Variants in NEK6 observed in about 807,000 individuals in gnomAD.
The protein encoded by NEK6 is NIMA related kinase 6.
NEK6 carries 27 observed loss-of-function variants against 43.5 expected under a neutral mutation model. The ratio of observed to expected loss-of-function variants is 0.62; its 90% CI spans 0.46 to 0.86. NEK6 has a LOEUF of 0.86. Among genes scored for constraint, NEK6 ranks in the 40% least tolerant of loss-of-function variants. NEK6 has a pLI of 0.00. For missense variants in NEK6, 318 were observed against 414.4 expected (o/e 0.77, Z 2.02); for synonymous variants, 167 against 164.1 (o/e 1.02, Z -0.14).
At chr9:124,285,819 G>A (rs539072018) in intron 1 of NEK6, among the ~76,000 whole-genome samples, 15 of 152,268 alleles carry the variant, frequency 9.9e-5, no homozygotes, top group African/African-American at 3.6e-4. Flanking sequence ...CCTCTATTGG[G>A]CAGCATACTG....
At chr9:124,280,016 C>T (rs1040120675) in intron 1 of NEK6, among the ~76,000 whole-genome samples, 15 of 152,338 alleles carry the variant, frequency 9.8e-5, no homozygotes, top group African/African-American at 3.1e-4. Flanking sequence ...GAATGGAGGC[C>T]CACAGAGGGC....
At chr9:124,288,036 T>C (rs1049129894) in intron 1 of NEK6, among the ~76,000 whole-genome samples, 1 of 152,172 alleles carries the variant, frequency 6.6e-6, no homozygotes, top group Non-Finnish European at 1.5e-5. Flanking sequence ...ACTTCCCAGC[T>C]CCTGGGAGGA....
At chr9:124,284,956 A>G (rs1429001345) in intron 1 of NEK6, among the ~76,000 whole-genome samples, 1 of 152,216 alleles carries the variant, frequency 6.6e-6, no homozygotes, top group East Asian at 1.9e-4. Flanking sequence ...GAGCCAGTGG[A>G]CCCAAATACG....
In NEK6 at chr9:124,343,404, G is replaced by A. The variant is rs115914673; in HGVS notation, c.717+3739G>A. On this transcript the variant is annotated intron_variant, in intron 8 of 9. Transcript: ENST00000320246. This position sits in a 1 kb window ranked among gnomAD's most constrained non-coding sequence, Gnocchi z 5.1. ...GCAGTCAAGCCCTGAGGGGATTAGC[G>A]TCCTCAGGGACATCAGGCGCTGACC... 9.2e-5 allele frequency among the ~76,000 whole-genome samples: 14 copies of A among 152,212 alleles called. No homozygotes were observed. Among genetic ancestry groups the A allele is most frequent in the Admixed American group, 5.9e-4 (9 of 15,296 alleles).
intron 1 of NEK6, among the ~76,000 whole-genome samples, chr9:124,272,398 G>A (rs577678917): frequency 6.6e-6 from 1 of 152,368 alleles, no homozygotes; most frequent in South Asian, 2.1e-4. Flanking sequence ...CAAGAAACCG[G>A]TGCAGGGTTC....
At chr9:124,346,521 C>T (rs766646417) in intron 8 of NEK6, among the ~76,000 whole-genome samples, 22 of 152,286 alleles carry the variant, frequency 1.4e-4, no homozygotes, top group South Asian at 4.1e-4. Flanking sequence ...GGGGGGGAAC[C>T]GGGGCCAGAC....
chr9:124,331,215 G>T (rs1828970026), intron 7 of NEK6, among the ~76,000 whole-genome samples: 1 of 141,562 alleles, frequency 7.1e-6, no homozygotes, highest in Admixed American at 7.4e-5. Context: ...GCAGTCAGCT[G>T]AGATGGCGCC....
At chr9:124,291,638 TAAATAAAC>T (rs1243141044) in intron 1 of NEK6, among the ~76,000 whole-genome samples, 4 of 148,574 alleles carry the variant, frequency 2.7e-5, no homozygotes, top group Non-Finnish European at 6.0e-5. Context: ...AATAAATAAA[TAAATAAAC>T]AAACAGCAAG....
intron 7 of NEK6, among the ~76,000 whole-genome samples, chr9:124,338,602 C>T (rs1161285316): frequency 1.3e-5 from 2 of 152,156 alleles, no homozygotes; most frequent in African/African-American, 2.4e-5. Flanking sequence ...GTGCCTTTTC[C>T]ATCCTGTTTA....
intron 1 of NEK6, among the ~76,000 whole-genome samples, chr9:124,282,062 G>A (rs991397409): frequency 2.0e-5 from 3 of 152,140 alleles, no homozygotes; most frequent in Admixed American, 2.0e-4. Flanking sequence ...GGGGCGTATT[G>A]GTTTCCTAGG....
At chr9:124,306,951 G>A (rs990334005) in intron 2 of NEK6, among the ~76,000 whole-genome samples, 2 of 152,158 alleles carry the variant, frequency 1.3e-5, no homozygotes, top group Non-Finnish European at 2.9e-5. Context: ...AGAAACGGTT[G>A]CCTTAAAATT....
chr9:124,325,446 C>CCAG (rs1174360230), intron 5 of NEK6, among the ~76,000 whole-genome samples: 1 of 152,246 alleles, frequency 6.6e-6, no homozygotes, highest in African/African-American at 2.4e-5. Flanking sequence ...GCTGCCCTGA[C>CCAG]CAGCAGGCCC....
rs752994242 is a variant in NEK6 at position 124,326,481 on chromosome 9, C to T, written c.514+43C>T. 2 of 1,448,994 alleles carry T rather than the reference C, an allele frequency of 1.4e-6. No homozygotes were observed. Among genetic ancestry groups the T allele is most frequent in the Non-Finnish European group, 1.9e-6 (2 of 1,041,510 alleles). 89.8% of individuals were successfully genotyped at this position (1,448,994 alleles called of 1,614,324 possible). A position where few individuals can be genotyped will look rare whatever the true frequency, so the allele number is the denominator to read the frequency against. On this transcript the variant is annotated intron_variant, in intron 6 of 9. Coordinates refer to ENST00000320246, the MANE Select transcript of NEK6 (RefSeq NM_014397.6). This position sits in a 1 kb window ranked among gnomAD's most constrained non-coding sequence, Gnocchi z 4.5. Reference sequence around the variant, plus strand: ...GGAGCCGCCCGGAGCCACCTGGAGCCCAGGAAGACACTTCCTCATGGCTCC... The same window carrying T: ...GGAGCCGCCCGGAGCCACCTGGAGCTCAGGAAGACACTTCCTCATGGCTCC...
intron 8 of NEK6, 134 bp downstream of exon 8, chr9:124,339,799 C>T (rs1829500275): frequency 5.8e-6 from 4 of 689,454 alleles, no homozygotes; most frequent in East Asian, 2.7e-5. Flanking sequence ...TCGGTACCAC[C>T]AGGGCCCTGT....
rs748613075 is a variant in NEK6, at chr9:124,339,659, G to A, written c.711G>A (p.Leu237=). The change falls in exon 8 of 10, where the codon CTG becomes CTA. Residue 237 remains leucine (L), a synonymous_variant. Coordinates refer to ENST00000320246, the MANE Select transcript of NEK6 (RefSeq NM_014397.6). ...ACATCTGGTCCCTGGGCTGTCTGCTGTACGAGGTGAGTCTCTGTCCGTGGC... is the reference window on the plus strand; with the variant it reads ...ACATCTGGTCCCTGGGCTGTCTGCTATACGAGGTGAGTCTCTGTCCGTGGC... The part of the protein sequence containing the change: ...KSDIWSLGCL[L]YEMAALQSPF... 7.4e-6 allele frequency: 12 copies of A among 1,611,954 alleles called. No homozygotes were observed. Among genetic ancestry groups the A allele is most frequent in the African/African-American group, 6.7e-5 (5 of 74,894 alleles).
intron 2 of NEK6, among the ~76,000 whole-genome samples, chr9:124,306,818 T>C (rs914246542): frequency 3.9e-5 from 6 of 152,236 alleles, no homozygotes; most frequent in Non-Finnish European, 8.8e-5. Flanking sequence ...ATTTAAAATA[T>C]ATCGCTATAT....
chr9:124,285,292 G>A (rs941914552), intron 1 of NEK6, among the ~76,000 whole-genome samples: 4 of 152,118 alleles, frequency 2.6e-5, no homozygotes, highest in East Asian at 1.9e-4. Flanking sequence ...TGGTAGCACC[G>A]TTTCCACAGA....
At chr9:124,300,066 CAG>C (rs1266111551) in intron 1 of NEK6, 1 of 152,228 alleles carries the variant, frequency 6.6e-6, no homozygotes, top group Admixed American at 6.5e-5. Flanking sequence ...CCTGAGGACA[CAG>C]AGGGAGAAGG....
intron 2 of NEK6, among the ~76,000 whole-genome samples, chr9:124,303,404 G>A (rs1451931414): frequency 6.6e-6 from 1 of 152,202 alleles, no homozygotes; most frequent in African/African-American, 2.4e-5. Flanking sequence ...AGTTGTACAG[G>A]TTATGCACTG....
Sources: allele counts gnomAD v4.1 joint callset (sites outside exome capture counted in the v4.1 genomes callset), GRCh38; gene constraint gnomAD v4.1.1; non-coding constraint Gnocchi (gnomAD v3.1); transcripts MANE v1.5; gene names NCBI Gene and HGNC (gene_info 2026-07-23, HGNC 2026-07-21).